The following NEK11 variants were observed in gnomAD, a reference collection of about 807,000 sequenced individuals.
NEK11 encodes the protein serine/threonine-protein kinase Nek11.
Under a neutral mutation model 80.7 loss-of-function variants are expected in NEK11, and 72 were observed. The observed-to-expected ratio is 0.89, with a 90% confidence interval of 0.74 to 1.08. The LOEUF (loss-of-function observed/expected upper bound fraction) is 1.08. Ranked by LOEUF, NEK11 falls within the 50% of genes least tolerant of loss-of-function variation. The probability of loss-of-function intolerance (pLI) is 0.00; values close to 1 mark genes in which losing one functional copy is unlikely to be tolerated. For missense variants in NEK11, 764 were observed against 763.6 expected (o/e 1.00, Z -0.01); for synonymous variants, 251 against 260.7 (o/e 0.96, Z 0.36).
chr3:131,341,598 G>A (rs2097287452), intron 17 of NEK11, among the ~76,000 whole-genome samples: 1 of 152,066 alleles, frequency 6.6e-6, no homozygotes, highest in South Asian at 2.1e-4. Context: ...AACTGAGCAA[G>A]GTATATTAAA....
rs1245727087 is a variant in NEK11 at position 131,331,660 on chromosome 3, G to A, written c.1719-17897G>A. On this transcript the variant is annotated intron_variant, in intron 17 of 17. Coordinates refer to ENST00000383366, the MANE Select transcript of NEK11 (RefSeq NM_024800.5). ...CGTGAGCCGAAGCAGGGCGAGCAAG[G>A]CATTGCCTCACTCGGGAAGCGCAAG... 2.6e-5 allele frequency among the ~76,000 whole-genome samples: 4 copies of A among 152,218 alleles called. No homozygotes were observed. The South Asian group carries it at 6.2e-4, about 24-fold the overall frequency.
chr3:131,276,379 C>A lies in NEK11; in HGVS notation c.1718+2805C>A, dbSNP rs566681936. 4.5e-4 allele frequency among the ~76,000 whole-genome samples: 68 copies of A among 152,234 alleles called. No homozygotes were observed. The South Asian group carries it at 0.014, about 31-fold the overall frequency. Reference sequence around the variant, plus strand: ...TGACATGGGTCATTAGAGGCCTCTGCCAACCCCATTGGGAGTTCTGGGGCT... The same window carrying A: ...TGACATGGGTCATTAGAGGCCTCTGACAACCCCATTGGGAGTTCTGGGGCT... On this transcript the variant is annotated intron_variant, in intron 17 of 17. Coordinates refer to ENST00000383366, the MANE Select transcript of NEK11 (RefSeq NM_024800.5).
intron 3 of NEK11, among the ~76,000 whole-genome samples, chr3:131,049,812 A>AT (rs1285292347): frequency 5.9e-5 from 9 of 152,128 alleles, no homozygotes; most frequent in Non-Finnish European, 1.0e-4. Flanking sequence ...TCTTCTGAGG[A>AT]TTTTTTTGTT....
intron 5 of NEK11, among the ~76,000 whole-genome samples, chr3:131,116,747 T>C (rs1233035091): frequency 6.6e-6 from 1 of 152,206 alleles, no homozygotes; most frequent in Non-Finnish European, 1.5e-5. Flanking sequence ...CATTTTTTCA[T>C]GTGTCTTTTG....
chr3:131,075,748 A>T (rs545821969), intron 3 of NEK11, among the ~76,000 whole-genome samples: 44 of 152,280 alleles, frequency 2.9e-4, no homozygotes, highest in African/African-American at 1.0e-3. Flanking sequence ...GTTTACAGTT[A>T]TTTGTGGTAA....
At chr3:131,264,130 T>C (rs1259239203) in intron 16 of NEK11, among the ~76,000 whole-genome samples, 2 of 152,208 alleles carry the variant, frequency 1.3e-5, no homozygotes, top group African/African-American at 4.8e-5. Context: ...GTCAGATGAG[T>C]AGATTGTAAA....
intron 7 of NEK11, among the ~76,000 whole-genome samples, chr3:131,143,960 C>T (rs1365160747): frequency 3.3e-5 from 5 of 152,082 alleles, no homozygotes; most frequent in Non-Finnish European, 5.9e-5. Flanking sequence ...TCTTCAATTA[C>T]ATCAAAATAA....
Position 131,066,854 on chromosome 3 carries a change from A to AAAG in NEK11, c.171-13567_171-13566insGAA, listed in dbSNP as rs549892209. Among the ~76,000 whole-genome samples the AAAG allele has an allele frequency of 8.7e-3, 1,320 of 151,108 alleles. 14 individuals are homozygous for AAAG. Among genetic ancestry groups the AAAG allele is most frequent in the East Asian group, 0.064 (326 of 5,076 alleles). On this transcript the variant is annotated intron_variant, in intron 3 of 17. Coordinates refer to ENST00000383366, the MANE Select transcript of NEK11 (RefSeq NM_024800.5). ...CAGACTTGTCTCAAAAAAAAAAAAA[A>AAAG]AAAAGAAAAGAAAAAGAGGATTTAC...
chr3:131,283,295 C>T (rs1375205414), intron 17 of NEK11, among the ~76,000 whole-genome samples: 1 of 152,134 alleles, frequency 6.6e-6, no homozygotes, highest in Non-Finnish European at 1.5e-5. Flanking sequence ...GCTCTGGAAC[C>T]TATTTGTTTT....
At chr3:131,344,139 C>T (rs1375756513) in intron 17 of NEK11, among the ~76,000 whole-genome samples, 1 of 152,188 alleles carries the variant, frequency 6.6e-6, no homozygotes, top group African/African-American at 2.4e-5. Context: ...AATATCTGGA[C>T]ATAGGTTGTT....
chr3:131,322,373 CA>C (rs1334405714), intron 17 of NEK11, among the ~76,000 whole-genome samples: 1 of 152,064 alleles, frequency 6.6e-6, no homozygotes, highest in Non-Finnish European at 1.5e-5. Context: ...ATTCATATCC[CA>C]AACCTCAGCA....
At chr3:131,215,482 G>C (rs937687450) in intron 14 of NEK11, among the ~76,000 whole-genome samples, 24 of 152,064 alleles carry the variant, frequency 1.6e-4, no homozygotes, top group African/African-American at 5.6e-4. Flanking sequence ...GGTGTGGGAG[G>C]TCTGTGAGCT....
chr3:131,250,833 A>G (rs530050284), intron 16 of NEK11, among the ~76,000 whole-genome samples: 3 of 152,232 alleles, frequency 2.0e-5, no homozygotes, highest in Admixed American at 2.0e-4. Context: ...GATGAATTAG[A>G]AGTTATTAGA....
chr3:131,106,655 A>G (rs1202768610), intron 4 of NEK11, among the ~76,000 whole-genome samples: 4 of 152,166 alleles, frequency 2.6e-5, no homozygotes. Context: ...CAACTTGAAA[A>G]ATATTTTAGG....
chr3:131,308,667 A>G (rs2096746709), intron 17 of NEK11, among the ~76,000 whole-genome samples: 1 of 152,194 alleles, frequency 6.6e-6, no homozygotes, highest in Non-Finnish European at 1.5e-5. Flanking sequence ...ATTCTTTGTA[A>G]CAGAGTCCTT....
intron 17 of NEK11, among the ~76,000 whole-genome samples, chr3:131,347,141 G>A (rs2097374667): frequency 6.6e-6 from 1 of 152,136 alleles, no homozygotes; most frequent in African/African-American, 2.4e-5. Flanking sequence ...CATGACAGAA[G>A]GTGGGAAACT....
chr3:131,184,087 A>G (rs898672328), intron 14 of NEK11, among the ~76,000 whole-genome samples: 2 of 152,228 alleles, frequency 1.3e-5, no homozygotes, highest in African/African-American at 4.8e-5. Context: ...TCCTATAATC[A>G]TTGCTCTCTC....
At chr3:131,121,166 G>A (rs2082314049) in intron 5 of NEK11, among the ~76,000 whole-genome samples, 1 of 152,168 alleles carries the variant, frequency 6.6e-6, no homozygotes, top group Non-Finnish European at 1.5e-5. Flanking sequence ...TGGGGTTTTG[G>A]TGTGGATGTC....
chr3:131,144,558 G>A (rs2087723949), intron 7 of NEK11, among the ~76,000 whole-genome samples: 1 of 152,164 alleles, frequency 6.6e-6, no homozygotes, highest in African/African-American at 2.4e-5. Flanking sequence ...GTCACCATAT[G>A]TATTTTGGTT....
Sources: allele counts gnomAD v4.1 joint callset (sites outside exome capture counted in the v4.1 genomes callset), GRCh38; gene constraint gnomAD v4.1.1; transcripts MANE v1.5; gene names NCBI Gene and HGNC (gene_info 2026-07-23, HGNC 2026-07-21).